The following PNLIPRP1 variants were observed in gnomAD, a reference collection of about 807,000 sequenced individuals.
The protein encoded by PNLIPRP1 is pancreatic lipase related protein 1.
PNLIPRP1 carries 57 observed loss-of-function variants against 54.6 expected under a neutral mutation model. That is an observed-to-expected ratio of 1.04 (90% CI 0.84 to 1.30). PNLIPRP1 has a LOEUF of 1.30. Ranked by LOEUF, PNLIPRP1 falls within the 50% of genes most tolerant of loss-of-function variation. The pLI, the probability that PNLIPRP1 is intolerant of heterozygous loss-of-function variation, is 0.00. For missense variants in PNLIPRP1, 567 were observed against 568.5 expected, an observed-to-expected ratio of 1.00 and a Z score of 0.03; for synonymous variants, 232 against 208.8, an observed-to-expected ratio of 1.11 and a Z score of -0.96.
chr10:116,607,925 G>C (rs1847963288), intron 12 of PNLIPRP1, among the ~76,000 whole-genome samples: 1 of 152,166 alleles, frequency 6.6e-6, no homozygotes, highest in Non-Finnish European at 1.5e-5. Context: ...CATGATCTCA[G>C]CTCCACTGCA....
At chr10:116,606,461 G>C (rs4614353) in intron 12 of PNLIPRP1, among the ~76,000 whole-genome samples, 27,860 of 152,054 alleles carry the variant, frequency 0.18, 2,690 homozygotes, top group Non-Finnish European at 0.2. Flanking sequence ...GGCTGGTCGG[G>C]AGCCCTGTGC....
Position 116,594,743 on chromosome 10 carries a change from T to G in PNLIPRP1, c.344T>G (p.Val115Gly). 1 of 1,613,988 alleles carries G rather than the reference T, an allele frequency of 6.2e-7. No individual in the cohort carries two copies. Among genetic ancestry groups the G allele is most frequent in the East Asian group, 2.2e-5 (1 of 44,866 alleles). The change falls in exon 5 of 13, where the codon GTG becomes GGG. Residue 115 changes from valine to glycine, a missense_variant. Physicochemically the swap from Val to Gly is moderately radical, Grantham distance 109. Coordinates refer to ENST00000358834, the MANE Select transcript of PNLIPRP1 (RefSeq NM_006229.4). ...CCCCAACACCAGAAACTGTTCGAGG[T>G]GGAGGAGGTGAACTGCATCTGCGTG... ...VTDMCKKLFE[V>G]EEVNCICVDW...
chr10:116,606,582 T>G (rs924114919), intron 12 of PNLIPRP1, among the ~76,000 whole-genome samples: 2 of 152,182 alleles, frequency 1.3e-5, no homozygotes, highest in African/African-American at 2.4e-5. Context: ...GCCTGGATCC[T>G]GGGACTGTGT....
intron 10 of PNLIPRP1, among the ~76,000 whole-genome samples, chr10:116,602,051 T>C (rs1847852908): frequency 6.7e-6 from 1 of 150,090 alleles, no homozygotes; most frequent in Admixed American, 6.7e-5. Flanking sequence ...AGTCTCGCTG[T>C]GTCGCCCAGG....
rs1315633128 is a variant in PNLIPRP1, at chr10:116,608,906, C to T, written c.1341-147C>T. On this transcript the variant is annotated intron_variant, in intron 12 of 12. Transcript: ENST00000358834. ...TGCAGCTCCAGCCCTAGTGCCCCCT[C>T]GTGCCTCCTGAATCACTCATCAACT... 4.3e-5 allele frequency: 30 copies of T among 695,142 alleles called. No individual in the cohort carries two copies. In the African/African-American group the frequency reaches 4.6e-4, roughly 11 times the overall value. The allele number at this position is 695,142 out of a possible 1,614,324, so 43.1% of individuals were successfully genotyped here.
At chr10:116,591,067 G>A (rs1331846286) in intron 1 of PNLIPRP1, 63 bp from the exon 2 acceptor site, 3 of 1,313,780 alleles carry the variant, frequency 2.3e-6, no homozygotes, top group African/African-American at 2.9e-5. Context: ...GAAGTCCAGG[G>A]CGTCGGTGCT....
rs1554863241 is a variant in PNLIPRP1, at chr10:116,591,906, A to G, written c.185A>G (p.Glu62Gly). The G allele has an allele frequency of 6.2e-7, 1 of 1,614,136 alleles. No individual in the cohort carries two copies. Among genetic ancestry groups the G allele is most frequent in the South Asian group, 1.1e-5 (1 of 91,072 alleles). ...ACCCGCTTCCTGCTGTACACCAATG[A>G]AAACCCAAACAACTTTCAAGTGAGA... is the stretch of plus-strand genomic sequence containing the variant. Reference protein sequence around the residue: ...IGTRFLLYTNENPNNFQILLL... With the variant: ...IGTRFLLYTNGNPNNFQILLL... The change falls in exon 3 of 13, where the codon GAA (glutamate) becomes GGA (glycine). Residue 62 changes from glutamate (E) to glycine (G), a missense_variant. Transcript: ENST00000358834.
chr10:116,592,079 C>A, intron 3 of PNLIPRP1, 154 bp downstream of exon 3: 1 of 752,742 alleles, frequency 1.3e-6, no homozygotes, highest in Non-Finnish European at 2.1e-6. Context: ...CTAGACAGAG[C>A]AGGTCTTTAG....
chr10:116,597,787 A>G (rs1847762041), intron 6 of PNLIPRP1, 41 bp from the exon 7 acceptor site: 7 of 1,613,074 alleles, frequency 4.3e-6, no homozygotes, highest in African/African-American at 2.7e-5. Context: ...TGACATCTAC[A>G]GTCAGGTCTA....
chr10:116,600,185 C>T lies in PNLIPRP1; in HGVS notation c.933+20C>T, dbSNP rs17848304. ...GAGTCTGTAAGCTATTGTCCTGCCT[C>T]GAGCAACAAGCATCACCCCTCTGAG... On this transcript the variant is annotated intron_variant, in intron 9 of 12. Coordinates refer to ENST00000358834, the MANE Select transcript of PNLIPRP1 (RefSeq NM_006229.4). The T allele has an allele frequency of 0.014, 20,881 of 1,500,596 alleles. 1,115 individuals carry two copies. In the African/African-American group the frequency reaches 0.17, roughly 12 times the overall value. 93.0% of individuals were successfully genotyped at this position (1,500,596 alleles called of 1,614,324 possible).
chr10:116,593,954 C>CAAAAAAAAAAAAAAAA (rs57786929), intron 4 of PNLIPRP1: 2 of 94,250 alleles, frequency 2.1e-5, no homozygotes, highest in Non-Finnish European at 4.5e-5. Flanking sequence ...GAGGCTGTCT[C>CAAAAAAAAAAAAAAAA]AAAAAAAAAA....
chr10:116,599,934 T>C, intron 8 of PNLIPRP1, 113 bp from the exon 9 acceptor site: 1 of 717,858 alleles, frequency 1.4e-6, no homozygotes, highest in Non-Finnish European at 2.5e-6. Context: ...GGATTTATCT[T>C]AAGTTTCTGA....
intron 12 of PNLIPRP1, among the ~76,000 whole-genome samples, chr10:116,607,020 T>TTAATAATAATAATAATAATAA (rs55946265): frequency 0.015 from 2,190 of 147,096 alleles, 22 homozygotes; most frequent in South Asian, 0.039. Context: ...CCAGTAACAT[T>TTAATAATAATAATAATAATAA]TAATAATAAT....
intron 8 of PNLIPRP1, among the ~76,000 whole-genome samples, chr10:116,598,653 A>T (rs782205277): frequency 1.3e-5 from 2 of 152,238 alleles, no homozygotes; most frequent in Non-Finnish European, 2.9e-5. Context: ...TTGCTCACCC[A>T]TGTTGAGTAG....
In PNLIPRP1 at chr10:116,592,406, T is replaced by C. The variant is rs1291633423; in HGVS notation, c.205-10T>C. On this transcript the variant is annotated splice_polypyrimidine_tract_variant and intron_variant, in intron 3 of 12. Transcript: ENST00000358834. ...TGCGAAAACATGAAGCACTTCTGCG[T>C]CTGTCACAGATTCTCCTCCTCTCTG... The C allele has an allele frequency of 6.3e-6, 10 of 1,592,664 alleles. No homozygotes were observed. Among genetic ancestry groups the C allele is most frequent in the African/African-American group, 1.3e-5 (1 of 74,248 alleles).
At chr10:116,597,795 C>T in intron 6 of PNLIPRP1, 33 bp from the exon 7 acceptor site, 1 of 1,613,780 alleles carries the variant, frequency 6.2e-7, no homozygotes, top group Non-Finnish European at 8.5e-7. Context: ...ACAGTCAGGT[C>T]TATTGTTCTG....
intron 10 of PNLIPRP1, among the ~76,000 whole-genome samples, chr10:116,601,697 G>T (rs1554864808): frequency 6.6e-6 from 1 of 152,146 alleles, no homozygotes; most frequent in African/African-American, 2.4e-5. Context: ...TCAGGGGGAA[G>T]GATGATTTCT....
At position 116,609,128 on chromosome 10, in the gene PNLIPRP1, G is replaced by C; in HGVS notation, c.*12G>C. The C allele has an allele frequency of 1.3e-6, 2 of 1,598,408 alleles. No homozygotes were observed. The highest frequency in any genetic ancestry group is 1.1e-5 in the South Asian group (1 of 89,598). ...TCACGCCCTGCTAAGCTCCCGGGGCGACGAGGCTGCTGCGTTCACACTAAT... is the reference window on the plus strand; with the variant it reads ...TCACGCCCTGCTAAGCTCCCGGGGCCACGAGGCTGCTGCGTTCACACTAAT... On this transcript the variant is annotated 3_prime_UTR_variant, in exon 13 of 13. Transcript: ENST00000358834.
Position 116,608,975 on chromosome 10 carries a change from ACC to A in PNLIPRP1, c.1341-77_1341-76del, listed in dbSNP as rs1554865918. ...CTTAAGAAAAACCAAACCAAACCAA[ACC>A]AAACCAAAACAAAACAAAACACCTG... is the stretch of plus-strand genomic sequence containing the variant. On this transcript the variant is annotated intron_variant, in intron 12 of 12. Transcript: ENST00000358834. The A allele has an allele frequency of 6.0e-4, 713 of 1,180,446 alleles. 3 individuals are homozygous for A. In the Middle Eastern group the frequency reaches 0.012, roughly 20 times the overall value. 73.1% of individuals were successfully genotyped at this position (1,180,446 alleles called of 1,614,324 possible).
Sources: allele counts gnomAD v4.1 joint callset (sites outside exome capture counted in the v4.1 genomes callset), GRCh38; gene constraint gnomAD v4.1.1; transcripts MANE v1.5; gene names NCBI Gene and HGNC (gene_info 2026-07-23, HGNC 2026-07-21).